CAMTA1: variants seen among roughly 807,000 people sequenced by gnomAD.
CAMTA1 encodes calmodulin-binding transcription activator 1.
Under a neutral mutation model 170.9 loss-of-function variants are expected in CAMTA1, and 27 were observed. That is an observed-to-expected ratio of 0.16 (90% CI 0.12 to 0.22). CAMTA1 has a LOEUF of 0.22. Among genes scored for constraint, CAMTA1 ranks in the 10% least tolerant of loss-of-function variants. CAMTA1 has a pLI of 1.00. For missense variants in CAMTA1, 1,619 were observed against 2,217.2 expected (o/e 0.73, Z 5.42); for synonymous variants, 833 against 891.5 (o/e 0.93, Z 1.17).
At chr1:6,894,764 T>C (rs1283856134) in intron 3 of CAMTA1, among the ~76,000 whole-genome samples, 1 of 152,224 alleles carries the variant, frequency 6.6e-6, no homozygotes, top group Non-Finnish European at 1.5e-5. Context: ...TTTCAGGATA[T>C]AAGAATGCTA....
rs1156677709 is a variant in CAMTA1 at position 7,680,493 on chromosome 1, A to G, written c.2914+2760A>G. 3.3e-5 allele frequency among the ~76,000 whole-genome samples: 5 copies of G among 149,994 alleles called. No individual in the cohort carries two copies. Among genetic ancestry groups the G allele is most frequent in the African/African-American group, 1.2e-4 (5 of 40,848 alleles). On this transcript the variant is annotated intron_variant, in intron 11 of 22. Coordinates refer to ENST00000303635, the MANE Select transcript of CAMTA1 (RefSeq NM_015215.4). This position sits in a 1 kb window ranked among gnomAD's most constrained non-coding sequence, Gnocchi z 4.4. ...GCCCTCCCGCCGACGCGCAGCCGCA[A>G]TGCGGGGCCCTTCGCGGAACTGCTG...
At chr1:6,980,218 G>A (rs185774871) in intron 3 of CAMTA1, among the ~76,000 whole-genome samples, 42 of 152,226 alleles carry the variant, frequency 2.8e-4, no homozygotes, top group Admixed American at 1.8e-3. Context: ...GGGTGGAGTC[G>A]AGGGCAGGTG....
At position 7,147,867 on chromosome 1, in the gene CAMTA1, A is replaced by G. The variant is rs569491291; in HGVS notation, c.302+56496A>G. Among the ~76,000 whole-genome samples, 28 of 144,142 alleles carry G rather than the reference A, an allele frequency of 1.9e-4. No homozygotes were observed. The South Asian group carries it at 5.9e-3, about 31-fold the overall frequency. 94.6% of individuals were successfully genotyped at this position (144,142 alleles called of 152,430 possible). On this transcript the variant is annotated intron_variant, in intron 4 of 22. Coordinates refer to ENST00000303635, the MANE Select transcript of CAMTA1 (RefSeq NM_015215.4). ...CCATGCACACACACACTCATACACC[A>G]TGCACACACACAAACTCAAACATAT...
At chr1:6,852,012 CAAA>C (rs71280861) in intron 3 of CAMTA1, among the ~76,000 whole-genome samples, 3 of 90,632 alleles carry the variant, frequency 3.3e-5, no homozygotes, top group Admixed American at 1.2e-4. Context: ...ACTCTATCTC[CAAA>C]AAAAAAAAAA....
chr1:7,386,225 G>C (rs868148704), intron 5 of CAMTA1, among the ~76,000 whole-genome samples: 9 of 152,364 alleles, frequency 5.9e-5, no homozygotes, highest in African/African-American at 1.9e-4. Flanking sequence ...TTGTGCTAAA[G>C]ACATGGTTCG....
At position 7,736,920 on chromosome 1, in the gene CAMTA1, C is replaced by T. The variant is rs369632416; in HGVS notation, c.3264-11C>T. 53 of 1,607,264 alleles carry T rather than the reference C, an allele frequency of 3.3e-5. No individual in the cohort carries two copies. The highest frequency in any genetic ancestry group is 4.5e-5 in the East Asian group (2 of 44,788). On this transcript the variant is annotated splice_polypyrimidine_tract_variant and intron_variant, in intron 13 of 22. Transcript: ENST00000303635. The surrounding 1 kb of genome is among the most constrained non-coding windows in gnomAD (Gnocchi z 4.5). ...GAATAGTGTGGTAATTTCTGGTGCT[C>T]TCCCTTATAGTACAAAGCACGCGGA...
At chr1:7,241,700 G>T (rs1664886831) in intron 4 of CAMTA1, among the ~76,000 whole-genome samples, 1 of 152,176 alleles carries the variant, frequency 6.6e-6, no homozygotes, top group African/African-American at 2.4e-5. Context: ...TGGGGGTGGA[G>T]AAAATAGGCT....
At chr1:7,209,451 G>A (rs1185009930) in intron 4 of CAMTA1, among the ~76,000 whole-genome samples, 1 of 152,202 alleles carries the variant, frequency 6.6e-6, no homozygotes, top group Non-Finnish European at 1.5e-5. Context: ...AGTAAAAGGA[G>A]TCTCACCCTT....
At chr1:7,513,278 C>G (rs190099198) in intron 6 of CAMTA1, among the ~76,000 whole-genome samples, 1 of 152,140 alleles carries the variant, frequency 6.6e-6, no homozygotes, top group Non-Finnish European at 1.5e-5. Flanking sequence ...TCCAGGCTGA[C>G]TCGTGGTCTT....
At chr1:6,936,610 A>G (rs1685348931) in intron 3 of CAMTA1, among the ~76,000 whole-genome samples, 1 of 152,196 alleles carries the variant, frequency 6.6e-6, no homozygotes, top group African/African-American at 2.4e-5. Context: ...GGGGGAGGAA[A>G]GAGAGCTCTG....
rs553641932 is a variant in CAMTA1, at chr1:7,073,987, C to G, written c.235-17317C>G. ...AGATTAAATGAGATGTTATTGGAAA[C>G]TCAGTGCTCAACACATAGTAAGGGC... On this transcript the variant is annotated intron_variant, in intron 3 of 22. Coordinates refer to ENST00000303635, the MANE Select transcript of CAMTA1 (RefSeq NM_015215.4). Among the ~76,000 whole-genome samples the G allele has an allele frequency of 3.9e-5, 6 of 152,330 alleles. No individual in the cohort carries two copies. In the South Asian group the frequency reaches 1.2e-3, roughly 32 times the overall value.
At chr1:6,981,143 T>G (rs1359980518) in intron 3 of CAMTA1, among the ~76,000 whole-genome samples, 1 of 151,962 alleles carries the variant, frequency 6.6e-6, no homozygotes, top group African/African-American at 2.4e-5. Context: ...GTGGGACCAA[T>G]AAGGGCAATA....
rs1328558879 is a variant in CAMTA1, at chr1:7,769,698, T to G, written c.*3207T>G. On this transcript the variant is annotated 3_prime_UTR_variant, in exon 23 of 23. Coordinates refer to ENST00000303635, the MANE Select transcript of CAMTA1 (RefSeq NM_015215.4). ...GCTGTAAATTAAAAATGAAGAAAATTTCCCCATACTACGTGTGTGTTTTGC... is the reference window on the plus strand; with the variant it reads ...GCTGTAAATTAAAAATGAAGAAAATGTCCCCATACTACGTGTGTGTTTTGC... 6.6e-6 allele frequency: 1 copy of G among 152,410 alleles called. No individual in the cohort carries two copies. The highest frequency in any genetic ancestry group is 1.5e-5 in the Non-Finnish European group (1 of 68,038). 9.4% of individuals were successfully genotyped at this position (152,410 alleles called of 1,614,324 possible).
At chr1:6,932,616 G>T (rs917825474) in intron 3 of CAMTA1, among the ~76,000 whole-genome samples, 1 of 152,186 alleles carries the variant, frequency 6.6e-6, no homozygotes, top group Admixed American at 6.5e-5. Context: ...CCACTGCGGG[G>T]TATGAGAGTT....
intron 22 of CAMTA1, among the ~76,000 whole-genome samples, chr1:7,762,181 A>AGC (rs1558326892): frequency 6.6e-6 from 1 of 152,220 alleles, no homozygotes; most frequent in Non-Finnish European, 1.5e-5. Context: ...AGCAGGAATA[A>AGC]TTATTATTAC....
intron 5 of CAMTA1, among the ~76,000 whole-genome samples, chr1:7,377,430 G>A (rs1446765993): frequency 1.3e-5 from 2 of 152,182 alleles, no homozygotes; most frequent in East Asian, 1.9e-4. Context: ...ACTTCCCTGT[G>A]TTAGTAAAAT....
intron 3 of CAMTA1, among the ~76,000 whole-genome samples, chr1:6,870,361 A>AT (rs1668053215): frequency 6.6e-6 from 1 of 152,016 alleles, no homozygotes; most frequent in African/African-American, 2.4e-5. Context: ...AAAAAAAAAC[A>AT]TTGTGTTTTT....
chr1:7,061,700 T>C (rs1350099168), intron 3 of CAMTA1, among the ~76,000 whole-genome samples: 2 of 14,768 alleles, frequency 1.4e-4, no homozygotes, highest in Non-Finnish European at 2.7e-4. Context: ...GGTGGGGTGG[T>C]GGCGGCAGAG....
rs2095960064 is a variant in CAMTA1 at position 7,661,754 on chromosome 1, T to C, written c.693T>C (p.Asn231=). 8.7e-6 allele frequency: 14 copies of C among 1,613,810 alleles called. No individual in the cohort carries two copies. The highest frequency in any genetic ancestry group is 1.3e-5 in the African/African-American group (1 of 74,944). ...ATGGCATCAAGTGGACCTGCAGCAATGGGAACAGCAGCTCAGGCTTCTCGG... is the reference window on the plus strand; with the variant it reads ...ATGGCATCAAGTGGACCTGCAGCAACGGGAACAGCAGCTCAGGCTTCTCGG... The part of the protein sequence containing the change: ...MFHGIKWTCS[N]GNSSSGFSVE... Residue 231 remains asparagine (N), a synonymous_variant, in exon 8 of 23, where the codon AAT becomes AAC. Transcript: ENST00000303635.
Sources: allele counts gnomAD v4.1 joint callset (sites outside exome capture counted in the v4.1 genomes callset), GRCh38; gene constraint gnomAD v4.1.1; non-coding constraint Gnocchi (gnomAD v3.1); transcripts MANE v1.5; gene names NCBI Gene and HGNC (gene_info 2026-07-23, HGNC 2026-07-21).